Variants in PDIK1L observed in about 807,000 individuals in gnomAD.
PDIK1L encodes the protein serine/threonine-protein kinase PDIK1L.
In PDIK1L, 9 loss-of-function variants were observed where a neutral mutation model predicts 27.1. The observed-to-expected ratio is 0.33, with a 90% CI of 0.20 to 0.58. The LOEUF (loss-of-function observed/expected upper bound fraction) is 0.58, where lower values mean the gene tolerates loss of function less well. PDIK1L is among the 20% of genes least tolerant of loss of function. The probability of loss-of-function intolerance (pLI) is 0.86; values close to 1 mark genes in which losing one functional copy is unlikely to be tolerated. For missense variants in PDIK1L, 216 were observed against 413.2 expected (o/e 0.52, Z 4.14); for synonymous variants, 130 against 141.7 (o/e 0.92, Z 0.59).
chr1:26,113,600 T>C (rs1301207783), intron 1 of PDIK1L, among the ~76,000 whole-genome samples: 3 of 151,660 alleles, frequency 2.0e-5, no homozygotes, highest in Non-Finnish European at 4.4e-5. Context: ...AATTAAAATA[T>C]GAATAGATAG....
At chr1:26,112,195 G>T (rs947750122) in intron 1 of PDIK1L, among the ~76,000 whole-genome samples, 4 of 152,222 alleles carry the variant, frequency 2.6e-5, no homozygotes, top group Non-Finnish European at 5.9e-5. Flanking sequence ...CTTCATCTGA[G>T]CACGGCCGAG....
upstream of PDIK1L, chr1:26,111,731 TCCC>T (rs1557592328): frequency 2.1e-4 from 31 of 149,710 alleles, no homozygotes; most frequent in African/African-American, 6.6e-4. The surrounding 1 kb of genome is among the most constrained non-coding windows in gnomAD (Gnocchi z 4.0). Flanking sequence ...GCGCGGAACG[TCCC>T]GGCTCGCGCT....
chr1:26,114,702 A>G lies in PDIK1L; in HGVS notation c.285+109A>G. The G allele has an allele frequency of 8.3e-7, 1 of 1,204,792 alleles. No homozygotes were observed. The highest frequency in any genetic ancestry group is 1.2e-6 in the Non-Finnish European group (1 of 862,748). 74.6% of individuals were successfully genotyped at this position (1,204,792 alleles called of 1,614,324 possible). A position where few individuals can be genotyped will look rare whatever the true frequency, so the allele number is the denominator to read the frequency against. The stretch of plus-strand genomic sequence containing the variant: ...TTTCCCTTTAAATGCAGGTGTTTGT[A>G]GTTAGAAGTAGATAAGTGTCTGCCA... On this transcript the variant is annotated intron_variant, in intron 2 of 2. Transcript: ENST00000374269. The surrounding 1 kb of genome is among the most constrained non-coding windows in gnomAD (Gnocchi z 4.8).
intron 2 of PDIK1L, among the ~76,000 whole-genome samples, chr1:26,119,822 G>A (rs975548612): frequency 1.3e-5 from 2 of 152,076 alleles, no homozygotes; most frequent in African/African-American, 4.8e-5. Flanking sequence ...TCGCGCCACT[G>A]CACTCCAGCC....
intron 1 of PDIK1L, among the ~76,000 whole-genome samples, chr1:26,113,498 TAAAAAAAAAAA>T (rs67443362): frequency 3.3e-5 from 3 of 91,056 alleles, no homozygotes; most frequent in Non-Finnish European, 4.3e-5. Flanking sequence ...AGACTCCGTC[TAAAAAAAAAAA>T]AAAAAAAAAA....
Position 26,118,099 on chromosome 1 carries a change from A to C in PDIK1L, c.285+3506A>C, listed in dbSNP as rs77110388. 4.9e-3 allele frequency among the ~76,000 whole-genome samples: 739 copies of C among 152,110 alleles called. 25 individuals are homozygous for C. In the East Asian group the frequency reaches 0.11, roughly 22 times the overall value. ...TGGATAGAACCTTGCTGAACTTTAC[A>C]TTGAGTTTTAGAGACTAAGAGGCAT... On this transcript the variant is annotated intron_variant, in intron 2 of 2. Coordinates refer to ENST00000374269, the MANE Select transcript of PDIK1L (RefSeq NM_152835.5).
chr1:26,116,072 G>A (rs962288883), intron 2 of PDIK1L, among the ~76,000 whole-genome samples: 5 of 151,964 alleles, frequency 3.3e-5, no homozygotes, highest in African/African-American at 9.7e-5. Flanking sequence ...GCATGATAAC[G>A]TGCAACTGTA....
Position 26,124,379 on chromosome 1 carries a change from C to G in PDIK1L, c.*1802C>G, listed in dbSNP as rs1045407115. On this transcript the variant is annotated 3_prime_UTR_variant, in exon 3 of 3. Coordinates refer to ENST00000374269, the MANE Select transcript of PDIK1L (RefSeq NM_152835.5). The stretch of plus-strand genomic sequence containing the variant: ...ATTAGAGGTGGAAACACACTGGAAC[C>G]TCATGATAATTGACCCTCTGGATCA... 1 of 152,116 alleles carries G rather than the reference C, an allele frequency of 6.6e-6. No individual in the cohort carries two copies. Among genetic ancestry groups the G allele is most frequent in the Non-Finnish European group, 1.5e-5 (1 of 68,012 alleles). 9.4% of individuals were successfully genotyped at this position (152,116 alleles called of 1,614,324 possible).
chr1:26,118,356 C>T (rs2087916950), intron 2 of PDIK1L, among the ~76,000 whole-genome samples: 1 of 152,142 alleles, frequency 6.6e-6, no homozygotes, highest in Admixed American at 6.5e-5. Context: ...TTATTTAGTG[C>T]TGAGTCCAGA....
intron 2 of PDIK1L, among the ~76,000 whole-genome samples, chr1:26,116,704 A>AGTTTTTT (rs772352915): frequency 5.9e-5 from 9 of 152,034 alleles, no homozygotes; most frequent in African/African-American, 1.9e-4. Context: ...TGTGCCCTGA[A>AGTTTTTT]GTTTTTTGTT....
chr1:26,121,934 A>G lies in PDIK1L; in HGVS notation c.383A>G (p.Asn128Ser). 3.7e-6 allele frequency: 6 copies of G among 1,614,088 alleles called. No homozygotes were observed. The highest frequency in any genetic ancestry group is 5.1e-6 in the Non-Finnish European group (6 of 1,180,020). Residue 128 changes from asparagine (N) to serine (S), a missense_variant, in exon 3 of 3, where the codon AAT becomes AGT. Coordinates refer to ENST00000374269, the MANE Select transcript of PDIK1L (RefSeq NM_152835.5). ...GATTTTTGTGACGGAGGAGATATGA[A>G]TGAGTATCTGTTGTCCAGGAAACCC... ...VMDFCDGGDMNEYLLSRKPNR... is the reference protein window; with the variant it reads ...VMDFCDGGDMSEYLLSRKPNR...
At chr1:26,119,857 C>T (rs566228712) in intron 2 of PDIK1L, among the ~76,000 whole-genome samples, 1 of 149,994 alleles carries the variant, frequency 6.7e-6, no homozygotes, top group South Asian at 2.1e-4. Flanking sequence ...GACTCTGTCT[C>T]AATAAAAAAA....
In PDIK1L at chr1:26,113,663, A is replaced by T. The variant is rs987336287; in HGVS notation, c.-17-629A>T. On this transcript the variant is annotated intron_variant, in intron 1 of 2. Transcript: ENST00000374269. ...AAAACAAACATTTTCAGTTCTATAAATGATTTGGTTCACTTTCAGGCCTTA... is the reference window on the plus strand; with the variant it reads ...AAAACAAACATTTTCAGTTCTATAATTGATTTGGTTCACTTTCAGGCCTTA... Among the ~76,000 whole-genome samples, 4 of 152,236 alleles carry T rather than the reference A, an allele frequency of 2.6e-5. No homozygotes were observed. In the East Asian group the frequency reaches 7.7e-4, roughly 29 times the overall value.
chr1:26,125,295 C>CGTT lies in PDIK1L; in HGVS notation c.*2728_*2730dup, dbSNP rs935266273. On this transcript the variant is annotated 3_prime_UTR_variant, in exon 3 of 3. Coordinates refer to ENST00000374269, the MANE Select transcript of PDIK1L (RefSeq NM_152835.5). ...TTTCTGCTGGTCTGTTTTTTCTCTT[C>CGTT]GTTGTTGTTGTTTTTAATTGTAAAT... 1 of 152,460 alleles carries CGTT rather than the reference C, an allele frequency of 6.6e-6. No homozygotes were observed. The highest frequency in any genetic ancestry group is 6.5e-5 in the Admixed American group (1 of 15,268). 9.4% of individuals were successfully genotyped at this position (152,460 alleles called of 1,614,324 possible).
rs1402357034 is a variant in PDIK1L, at chr1:26,125,296, G to A, written c.*2719G>A. On this transcript the variant is annotated 3_prime_UTR_variant, in exon 3 of 3. Transcript: ENST00000374269. ...TTCTGCTGGTCTGTTTTTTCTCTTC[G>A]TTGTTGTTGTTTTTAATTGTAAATT... 6.6e-6 allele frequency: 1 copy of A among 152,486 alleles called. No homozygotes were observed. Among genetic ancestry groups the A allele is most frequent in the African/African-American group, 2.4e-5 (1 of 41,408 alleles). The allele number at this position is 152,486 out of a possible 1,614,324, so 9.4% of individuals were successfully genotyped here.
In PDIK1L at chr1:26,122,281, G is replaced by T; in HGVS notation, c.730G>T (p.Gly244Trp). The stretch of plus-strand genomic sequence containing the variant: ...AGCAAAAGCTGACATCTTTGCTCTG[G>T]GGATTATCATCTGGGCAATGCTGGA... ...YTAKADIFAL[G>W]IIIWAMLERI... Residue 244 changes from glycine to tryptophan, a missense_variant, in exon 3 of 3, where the codon GGG (glycine) becomes TGG (tryptophan). By Grantham distance (184) the Gly-to-Trp change is radical (BLOSUM62 -2). This residue lies in a region of PDIK1L where 169 missense variants were observed against 366.0 expected (regional missense o/e 0.46). Transcript: ENST00000374269. The surrounding 1 kb of genome is among the most constrained non-coding windows in gnomAD (Gnocchi z 5.4). 1.2e-6 allele frequency: 2 copies of T among 1,614,158 alleles called. No individual in the cohort carries two copies. The highest frequency in any genetic ancestry group is 1.7e-6 in the Non-Finnish European group (2 of 1,180,030).
rs1403626931 is a variant in PDIK1L at position 26,124,760 on chromosome 1, G to C, written c.*2183G>C. 6.6e-6 allele frequency: 1 copy of C among 152,170 alleles called. No individual in the cohort carries two copies. The highest frequency in any genetic ancestry group is 1.5e-5 in the Non-Finnish European group (1 of 68,018). 9.4% of individuals were successfully genotyped at this position (152,170 alleles called of 1,614,324 possible). A position where few individuals can be genotyped will look rare whatever the true frequency, so the allele number is the denominator to read the frequency against. ...TCTAAAATAGCCAAGCAAAATGATAGTAAATTCTTTGTCTTTGTTCTTTCA... is the reference window on the plus strand; with the variant it reads ...TCTAAAATAGCCAAGCAAAATGATACTAAATTCTTTGTCTTTGTTCTTTCA... On this transcript the variant is annotated 3_prime_UTR_variant, in exon 3 of 3. Transcript: ENST00000374269.
In PDIK1L at chr1:26,114,664, G is replaced by C; in HGVS notation, c.285+71G>C. ...TGGCCAGCAAGAAGAGGAATGAAAG[G>C]GTCAGACGAACGTTTCCCTTTAAAT... On this transcript the variant is annotated intron_variant, in intron 2 of 2. Transcript: ENST00000374269. This position sits in a 1 kb window ranked among gnomAD's most constrained non-coding sequence, Gnocchi z 4.8. The C allele has an allele frequency of 6.6e-7, 1 of 1,519,318 alleles. No homozygotes were observed. The highest frequency in any genetic ancestry group is 9.0e-7 in the Non-Finnish European group (1 of 1,115,220). The allele number at this position is 1,519,318 out of a possible 1,614,324, so 94.1% of individuals were successfully genotyped here. A position where few individuals can be genotyped will look rare whatever the true frequency, so the allele number is the denominator to read the frequency against.
At position 26,114,362 on chromosome 1, in the gene PDIK1L, T is replaced by A; in HGVS notation, c.54T>A (p.Ser18Arg). 1 of 1,614,090 alleles carries A rather than the reference T, an allele frequency of 6.2e-7. No individual in the cohort carries two copies. Among genetic ancestry groups the A allele is most frequent in the Non-Finnish European group, 8.5e-7 (1 of 1,180,006 alleles). Residue 18 changes from serine (S) to arginine (R), a missense_variant, in exon 2 of 3, where the codon AGT (serine) becomes AGA (arginine). This residue lies in a region of PDIK1L where 47 missense variants were observed against 47.2 expected (regional missense o/e 1.00). Transcript: ENST00000374269. This position sits in a 1 kb window ranked among gnomAD's most constrained non-coding sequence, Gnocchi z 4.8. ...YDLIREVGRG[S>R]YGVVYEAVIR... Reference sequence around the variant, plus strand: ...TAATACGGGAGGTAGGCCGAGGTAGTTACGGTGTTGTGTATGAAGCAGTCA... The same window carrying A: ...TAATACGGGAGGTAGGCCGAGGTAGATACGGTGTTGTGTATGAAGCAGTCA...
Sources: allele counts gnomAD v4.1 joint callset (sites outside exome capture counted in the v4.1 genomes callset), GRCh38; gene constraint gnomAD v4.1.1; regional missense constraint gnomAD v4.1.1; non-coding constraint Gnocchi (gnomAD v3.1); transcripts MANE v1.5; gene names NCBI Gene and HGNC (gene_info 2026-07-23, HGNC 2026-07-21).